The following MYO3B variants were observed in gnomAD, a reference collection of about 807,000 sequenced individuals.
MYO3B encodes myosin-IIIb.
In MYO3B, 156 loss-of-function variants were observed where a neutral mutation model predicts 174.6. The observed-to-expected ratio is 0.89, with a 90% CI of 0.78 to 1.02. The LOEUF is 1.02. Ranked by LOEUF, MYO3B falls within the 50% of genes least tolerant of loss-of-function variation. MYO3B has a pLI of 0.00. For synonymous variants in MYO3B, 563 were observed against 569.1 expected, an observed-to-expected ratio of 0.99 and a Z score of 0.15; for missense variants, 1,632 against 1,639.4, an observed-to-expected ratio of 1.00 and a Z score of 0.08.
chr2:170,636,773 A>G (rs143989207), intron 32 of MYO3B, among the ~76,000 whole-genome samples: 1 of 152,160 alleles, frequency 6.6e-6, no homozygotes, highest in Non-Finnish European at 1.5e-5. Flanking sequence ...CTGATTGTTA[A>G]TATTTTATTT....
At chr2:170,291,662 A>AT (rs1476242313) in intron 7 of MYO3B, among the ~76,000 whole-genome samples, 4 of 150,930 alleles carry the variant, frequency 2.7e-5, no homozygotes, top group South Asian at 2.1e-4. Context: ...TTTTATCTCT[A>AT]TTTCATATTC....
chr2:170,370,135 C>G (rs114238950), intron 9 of MYO3B, among the ~76,000 whole-genome samples: 2 of 152,106 alleles, frequency 1.3e-5, no homozygotes, highest in Admixed American at 1.3e-4. Context: ...GCAAATAAAC[C>G]TGCTTCCTAT....
At chr2:170,223,863 A>G (rs939319044) in intron 6 of MYO3B, among the ~76,000 whole-genome samples, 4 of 152,242 alleles carry the variant, frequency 2.6e-5, no homozygotes, top group Non-Finnish European at 5.9e-5. Context: ...ATAATGGCTT[A>G]TATTTAGCTG....
At chr2:170,506,098 G>T (rs1273014759) in intron 28 of MYO3B, among the ~76,000 whole-genome samples, 1 of 152,222 alleles carries the variant, frequency 6.6e-6, no homozygotes, top group African/African-American at 2.4e-5. Context: ...CTCTGACGAG[G>T]CTGGCAGGGT....
intron 7 of MYO3B, among the ~76,000 whole-genome samples, chr2:170,330,860 G>GAAAGAGCT (rs1210403431): frequency 1.7e-5 from 2 of 115,006 alleles, no homozygotes; most frequent in Non-Finnish European, 3.2e-5. Flanking sequence ...GCTGATTTCC[G>GAAAGAGCT]AAAGAGCTGT....
chr2:170,630,792 C>T (rs1186477019), intron 32 of MYO3B, among the ~76,000 whole-genome samples: 1 of 152,202 alleles, frequency 6.6e-6, no homozygotes, highest in African/African-American at 2.4e-5. Context: ...CAACAAACTC[C>T]AACAGACCTG....
At chr2:170,276,219 C>T (rs867318385) in intron 7 of MYO3B, among the ~76,000 whole-genome samples, 5 of 152,134 alleles carry the variant, frequency 3.3e-5, no homozygotes, top group Non-Finnish European at 7.4e-5. Flanking sequence ...GGGTCCAAGT[C>T]CTAAGTGAAT....
rs148187725 is a variant in MYO3B, at chr2:170,394,420, C to T, written c.1791+1925C>T. Among the ~76,000 whole-genome samples the T allele has an allele frequency of 9.5e-4, 144 of 152,184 alleles. 2 individuals carry two copies. Among genetic ancestry groups the T allele is most frequent in the Middle Eastern group, 3.4e-3 (1 of 294 alleles). On this transcript the variant is annotated intron_variant, in intron 16 of 34. Coordinates refer to ENST00000408978, the MANE Select transcript of MYO3B (RefSeq NM_138995.5). Reference sequence around the variant, plus strand: ...ACTGTTAAAATCTGTTTTAGTACAACAACACTAAAGCATTAAAAACAGAAG... The same window carrying T: ...ACTGTTAAAATCTGTTTTAGTACAATAACACTAAAGCATTAAAAACAGAAG...
chr2:170,391,630 G>A lies in MYO3B; in HGVS notation c.1676+12G>A, dbSNP rs1324908346. ...GAAAAACCTCCTAGGTAAGTGTCAG[G>A]GGGGTTGGTTGTTAATTTTTGATGA... On this transcript the variant is annotated intron_variant, in intron 15 of 34. Coordinates refer to ENST00000408978, the MANE Select transcript of MYO3B (RefSeq NM_138995.5). The A allele has an allele frequency of 2.0e-6, 3 of 1,475,388 alleles. No individual in the cohort carries two copies. The highest frequency in any genetic ancestry group is 2.8e-6 in the Non-Finnish European group (3 of 1,081,876). The allele number at this position is 1,475,388 out of a possible 1,614,324, so 91.4% of individuals were successfully genotyped here.
At chr2:170,621,030 A>T (rs907540179) in intron 32 of MYO3B, among the ~76,000 whole-genome samples, 1 of 151,570 alleles carries the variant, frequency 6.6e-6, no homozygotes, top group Non-Finnish European at 1.5e-5. Context: ...CTGGGATTAC[A>T]GGCACCCGCC....
At chr2:170,431,568 C>G (rs2094709376) in intron 22 of MYO3B, among the ~76,000 whole-genome samples, 1 of 152,212 alleles carries the variant, frequency 6.6e-6, no homozygotes, top group Admixed American at 6.5e-5. Context: ...ATTGGTTTGG[C>G]TTTCTTTAAG....
chr2:170,477,401 G>A (rs1297725119), intron 25 of MYO3B, among the ~76,000 whole-genome samples: 2 of 152,100 alleles, frequency 1.3e-5, no homozygotes, highest in Non-Finnish European at 1.5e-5. Context: ...ATCCTAACAT[G>A]TCTGTCTGCC....
chr2:170,315,866 T>C (rs2093771944), intron 7 of MYO3B, among the ~76,000 whole-genome samples: 1 of 152,226 alleles, frequency 6.6e-6, no homozygotes, highest in African/African-American at 2.4e-5. Context: ...GCCCACACTC[T>C]GCAGGCTCTC....
chr2:170,373,703 A>G (rs2094265491), intron 9 of MYO3B, among the ~76,000 whole-genome samples: 1 of 152,114 alleles, frequency 6.6e-6, no homozygotes, highest in South Asian at 2.1e-4. Context: ...TCAGGGGCCT[A>G]AAAGGGAGGT....
intron 32 of MYO3B, among the ~76,000 whole-genome samples, chr2:170,601,456 G>T (rs1446796427): frequency 1.3e-5 from 2 of 152,222 alleles, no homozygotes; most frequent in East Asian, 3.9e-4. Flanking sequence ...GACACATTTG[G>T]TAGTGTGTTA....
chr2:170,583,862 T>C (rs779660860), intron 32 of MYO3B, among the ~76,000 whole-genome samples: 77 of 152,320 alleles, frequency 5.1e-4, no homozygotes, highest in Non-Finnish European at 8.8e-4. Context: ...AAAAAATCTT[T>C]TCCATCTTGA....
intron 32 of MYO3B, among the ~76,000 whole-genome samples, chr2:170,625,804 G>A (rs549042776): frequency 1.3e-5 from 2 of 152,102 alleles, no homozygotes; most frequent in African/African-American, 2.4e-5. Flanking sequence ...CCTTCATTTC[G>A]TTATGTACCC....
chr2:170,200,844 T>C (rs1036949550), intron 3 of MYO3B, among the ~76,000 whole-genome samples: 1 of 152,214 alleles, frequency 6.6e-6, no homozygotes, highest in Non-Finnish European at 1.5e-5. Flanking sequence ...GCTGGTCCTC[T>C]GGGAAATGGA....
intron 22 of MYO3B, among the ~76,000 whole-genome samples, chr2:170,423,744 C>T (rs1431062174): frequency 3.3e-5 from 5 of 152,018 alleles, no homozygotes; most frequent in Admixed American, 3.3e-4. Flanking sequence ...CCACACCCAG[C>T]TAATTTTTGT....
Sources: gnomAD v4.1 joint callset for allele counts (sites outside exome capture counted in the v4.1 genomes callset) on GRCh38, gnomAD v4.1.1 for gene constraint, MANE v1.5 for transcripts, NCBI Gene and HGNC (gene_info 2026-07-23, HGNC 2026-07-21) for gene names.